SV2C: variants seen among roughly 807,000 people sequenced by gnomAD.
SV2C encodes the protein solute carrier family 22 member B3.
SV2C carries 49 observed loss-of-function variants against 79.7 expected under a neutral mutation model. The observed-to-expected ratio is 0.61, with a 90% CI of 0.49 to 0.78. The LOEUF (loss-of-function observed/expected upper bound fraction) is 0.78. SV2C is among the 30% of genes least tolerant of loss of function. SV2C has a pLI of 0.00. For synonymous variants in SV2C, 334 were observed against 333.2 expected (o/e 1.00, Z -0.03); for missense variants, 833 against 912.9 (o/e 0.91, Z 1.13).
chr5:75,902,635 C>T, the SV2C span, among the ~76,000 whole-genome samples: 435 of 152,286 alleles, frequency 2.9e-3, 10 homozygotes, highest in East Asian at 0.035. Context: ...AATCTGTTTC[C>T]ATTGTAGTTT....
chr5:75,886,379 C>T, the SV2C span, among the ~76,000 whole-genome samples: 1 of 152,170 alleles, frequency 6.6e-6, no homozygotes, highest in Non-Finnish European at 1.5e-5. Context: ...GGCACACTGC[C>T]TTCCCCTCTG....
the SV2C span, among the ~76,000 whole-genome samples, chr5:76,074,528 T>C: frequency 6.6e-6 from 1 of 151,628 alleles, no homozygotes; most frequent in African/African-American, 2.4e-5. Context: ...TGGCCTAGAG[T>C]TTCCTTTAGT....
chr5:75,861,923 A>G, the SV2C span, among the ~76,000 whole-genome samples: 10 of 152,298 alleles, frequency 6.6e-5, no homozygotes, highest in Non-Finnish European at 4.4e-5. Context: ...GCATCATGCA[A>G]TATACCTATG....
chr5:76,187,815 C>T (rs1394138486), intron 2 of SV2C, among the ~76,000 whole-genome samples: 1 of 150,566 alleles, frequency 6.6e-6, no homozygotes, highest in Non-Finnish European at 1.5e-5. Context: ...TTTCAGGTAT[C>T]TTCTTTTCAG....
the SV2C span, among the ~76,000 whole-genome samples, chr5:75,954,399 A>G: frequency 1.3e-4 from 20 of 151,960 alleles, no homozygotes; most frequent in Non-Finnish European, 2.9e-5. Context: ...AATACGTCCC[A>G]TCAATACCTA....
At chr5:75,920,646 G>T in the SV2C span, 1 of 629,990 alleles carries the variant, frequency 1.6e-6, no homozygotes, top group East Asian at 2.8e-5. Context: ...GTGGTGGGGG[G>T]TGGGTGGGAG....
chr5:75,934,720 C>T, the SV2C span, among the ~76,000 whole-genome samples: 12 of 151,876 alleles, frequency 7.9e-5, no homozygotes, highest in Non-Finnish European at 1.6e-4. Context: ...TTATTAATTT[C>T]GCTTTTGAGT....
rs147578626 is a variant in SV2C, at chr5:76,257,051, C to T, written c.914-28111C>T. Among the ~76,000 whole-genome samples, 416 of 149,578 alleles carry T rather than the reference C, an allele frequency of 2.8e-3. 1 individual carries two copies. Among genetic ancestry groups the T allele is most frequent in the African/African-American group, 9.7e-3 (400 of 41,422 alleles). On this transcript the variant is annotated intron_variant, in intron 4 of 12. Transcript: ENST00000502798. ...TTTCCATTTTGTTTAGGCCAGTTGT[C>T]AGACTCTAGGCATTTGCAGATTTTA...
At chr5:76,242,072 G>T in intron 4 of SV2C, 3 of 1,447,992 alleles carry the variant, frequency 2.1e-6, no homozygotes, top group Non-Finnish European at 2.9e-6. Context: ...GGTCTGTTTT[G>T]GCATCTCCAT....
At chr5:75,984,588 T>A in the SV2C span, among the ~76,000 whole-genome samples, 5 of 87,548 alleles carry the variant, frequency 5.7e-5, no homozygotes, top group African/African-American at 1.6e-4. Context: ...TCTATCTATC[T>A]ATCTATCTAC....
At chr5:75,925,807 A>G in the SV2C span, among the ~76,000 whole-genome samples, 1 of 152,156 alleles carries the variant, frequency 6.6e-6, no homozygotes, top group Non-Finnish European at 1.5e-5. Context: ...ATTTAAAAAA[A>G]TTATAGAATC....
At chr5:75,898,403 T>C in the SV2C span, among the ~76,000 whole-genome samples, 3 of 152,232 alleles carry the variant, frequency 2.0e-5, no homozygotes, top group African/African-American at 7.2e-5. Flanking sequence ...CAGCCTTGCA[T>C]CCCAGAGATG....
the SV2C span, among the ~76,000 whole-genome samples, chr5:76,042,438 T>C: frequency 6.6e-6 from 1 of 152,232 alleles, no homozygotes; most frequent in Non-Finnish European, 1.5e-5. Flanking sequence ...ACCTGACACA[T>C]CAGAAATGTT....
chr5:76,057,387 C>T, the SV2C span, among the ~76,000 whole-genome samples: 44 of 150,682 alleles, frequency 2.9e-4, no homozygotes, highest in Admixed American at 1.8e-3. Flanking sequence ...CCTACCCCCA[C>T]CCCACAACAG....
intron 2 of SV2C, among the ~76,000 whole-genome samples, chr5:76,144,145 T>A (rs568416492): frequency 7.5e-4 from 114 of 152,330 alleles, no homozygotes; most frequent in African/African-American, 2.6e-3. Context: ...GTTCTGTGTG[T>A]TTGATACAAT....
chr5:76,108,318 C>T (rs1747989413), intron 1 of SV2C, among the ~76,000 whole-genome samples: 1 of 151,868 alleles, frequency 6.6e-6, no homozygotes, highest in South Asian at 2.1e-4. Context: ...TATAATGTGG[C>T]CAGTTAAAAG....
the SV2C span, among the ~76,000 whole-genome samples, chr5:75,957,185 C>T: frequency 6.6e-6 from 1 of 152,060 alleles, no homozygotes; most frequent in East Asian, 1.9e-4. Flanking sequence ...TAAAATTTTC[C>T]TCAACCCTAG....
chr5:76,163,121 G>GT (rs536122472), intron 2 of SV2C, among the ~76,000 whole-genome samples: 250 of 152,264 alleles, frequency 1.6e-3, no homozygotes, highest in African/African-American at 5.2e-3. Flanking sequence ...TCCCGCCTTG[G>GT]TGCTCCATTA....
chr5:76,280,891 A>G (rs4352583), intron 4 of SV2C: 41,420 of 485,308 alleles, frequency 0.085, 2,048 homozygotes, highest in Admixed American at 0.15. Flanking sequence ...AGTTCAGCCG[A>G]CAAGTGAGGG....
Sources: gnomAD v4.1 joint callset for allele counts (sites outside exome capture counted in the v4.1 genomes callset) on GRCh38, gnomAD v4.1.1 for gene constraint, MANE v1.5 for transcripts, NCBI Gene and HGNC (gene_info 2026-07-23, HGNC 2026-07-21) for gene names.